The following EEA1 variants were observed in gnomAD, a reference collection of about 807,000 sequenced individuals.
The protein encoded by EEA1 is early endosome antigen 1, 162kD.
Under a neutral mutation model 209.2 loss-of-function variants are expected in EEA1, and 111 were observed. The ratio of observed to expected loss-of-function variants is 0.53; its 90% CI spans 0.45 to 0.62. The LOEUF (loss-of-function observed/expected upper bound fraction) is 0.62. EEA1 is among the 20% of genes least tolerant of loss of function. EEA1 has a pLI of 0.00. For missense variants in EEA1, 1,343 were observed against 1,530.8 expected, an observed-to-expected ratio of 0.88 and a Z score of 2.05; for synonymous variants, 536 against 540.6, an observed-to-expected ratio of 0.99 and a Z score of 0.12.
intron 11 of EEA1, among the ~76,000 whole-genome samples, chr12:92,829,088 T>G (rs1876475811): frequency 6.6e-6 from 1 of 152,178 alleles, no homozygotes; most frequent in South Asian, 2.1e-4. Flanking sequence ...TTATTAAAGG[T>G]AGGTACTGTC....
chr12:92,860,059 C>A (rs1878071508), intron 3 of EEA1, among the ~76,000 whole-genome samples: 1 of 152,188 alleles, frequency 6.6e-6, no homozygotes, highest in African/African-American at 2.4e-5. Context: ...ATCAAAATCT[C>A]TCCACTTTCA....
chr12:92,892,360 G>T (rs1444547900), intron 1 of EEA1, among the ~76,000 whole-genome samples: 4 of 152,082 alleles, frequency 2.6e-5, no homozygotes, highest in Non-Finnish European at 5.9e-5. Context: ...CCAAAGTGCT[G>T]GGGTTACAGG....
At chr12:92,828,880 A>T (rs1480462090) in intron 11 of EEA1, among the ~76,000 whole-genome samples, 1 of 151,718 alleles carries the variant, frequency 6.6e-6, no homozygotes, top group Non-Finnish European at 1.5e-5. Flanking sequence ...TCCAAGTACC[A>T]CCTCCTCTCT....
chr12:92,894,589 C>T (rs1012177780), intron 1 of EEA1, among the ~76,000 whole-genome samples: 11 of 152,188 alleles, frequency 7.2e-5, no homozygotes, highest in African/African-American at 1.4e-4. Context: ...CAGCCATTAA[C>T]GTTCCCTTAA....
At chr12:92,869,693 C>T (rs1292263376) in intron 2 of EEA1, among the ~76,000 whole-genome samples, 1 of 119,812 alleles carries the variant, frequency 8.3e-6, no homozygotes, top group Non-Finnish European at 1.6e-5. Flanking sequence ...GTGGAGGTTG[C>T]AGTGAGCCAA....
At chr12:92,845,821 C>G (rs533622121) in intron 9 of EEA1, among the ~76,000 whole-genome samples, 2 of 152,182 alleles carry the variant, frequency 1.3e-5, no homozygotes, top group African/African-American at 4.8e-5. Context: ...ATCCCCACAC[C>G]TAAAGTAGTC....
intron 9 of EEA1, 142 bp downstream of exon 9, chr12:92,850,969 C>A: frequency 1.3e-6 from 1 of 758,454 alleles, no homozygotes; most frequent in East Asian, 2.9e-5. Flanking sequence ...TGACTATAAA[C>A]AAATATTATT....
At chr12:92,828,150 C>A (rs1248338528) in intron 11 of EEA1, 89 bp from the exon 12 acceptor site, 3 of 1,047,376 alleles carry the variant, frequency 2.9e-6, no homozygotes, top group South Asian at 7.2e-5. Context: ...TACTTTTCAC[C>A]AAAATAAGTA....
chr12:92,832,875 T>C, intron 10 of EEA1, 25 bp from the exon 11 acceptor site: 1 of 1,521,604 alleles, frequency 6.6e-7, no homozygotes, highest in African/African-American at 1.4e-5. Flanking sequence ...TAACAATTTA[T>C]TTCCTTTTCT....
At chr12:92,858,823 A>C in intron 3 of EEA1, 2 of 763,898 alleles carry the variant, frequency 2.6e-6, no homozygotes, top group East Asian at 5.8e-5. Flanking sequence ...CCTATAGCCA[A>C]GTGGCAGACT....
chr12:92,823,268 C>T (rs191621014), intron 13 of EEA1, among the ~76,000 whole-genome samples: 122 of 152,316 alleles, frequency 8.0e-4, no homozygotes, highest in Admixed American at 1.8e-3. Flanking sequence ...ATCTTTCCAT[C>T]TTGAAATATA....
At chr12:92,886,858 T>G (rs1441539445) in intron 2 of EEA1, among the ~76,000 whole-genome samples, 1 of 150,580 alleles carries the variant, frequency 6.6e-6, no homozygotes, top group Non-Finnish European at 1.5e-5. Context: ...ATTAGCCGGG[T>G]GTGGTGGCAG....
At chr12:92,922,787 T>C (rs1221304464) in intron 1 of EEA1, among the ~76,000 whole-genome samples, 1 of 151,112 alleles carries the variant, frequency 6.6e-6, no homozygotes, top group Non-Finnish European at 1.5e-5. Flanking sequence ...ACCCCATCTC[T>C]ACTAAAAATA....
intron 1 of EEA1, among the ~76,000 whole-genome samples, chr12:92,926,458 G>C (rs1314390292): frequency 6.6e-6 from 1 of 152,176 alleles, no homozygotes; most frequent in Non-Finnish European, 1.5e-5. Flanking sequence ...AGTTATACTT[G>C]TTGGTAAATA....
chr12:92,782,237 AAGAT>A (rs905562081), intron 22 of EEA1, 102 bp from the exon 23 acceptor site: 2 of 917,072 alleles, frequency 2.2e-6, no homozygotes, highest in East Asian at 2.7e-5. Flanking sequence ...AAACTATAAA[AAGAT>A]AGCATATTAT....
chr12:92,879,265 CA>C (rs890841852), intron 2 of EEA1: 5 of 408,712 alleles, frequency 1.2e-5, no homozygotes, highest in Admixed American at 2.9e-5. Context: ...CATCCTAATC[CA>C]AAAAAATCCA....
Position 92,857,331 on chromosome 12 carries a change from AT to A in EEA1, c.309del (p.Lys103AsnfsTer7). 6.3e-7 allele frequency: 1 copy of A among 1,590,618 alleles called. No homozygotes were observed. The highest frequency in any genetic ancestry group is 8.5e-7 in the Non-Finnish European group (1 of 1,171,888). On this transcript the variant is annotated frameshift_variant, in exon 5 of 29. Transcript: ENST00000322349. LOFTEE classifies it high-confidence loss of function. The part of the protein sequence containing the change: ...QDLQASLKEE[K>X]WYSEELKKEL... ...TCCTTCTTTAATTCTTCCGAGTACCATTTTTCTTCCTAATAAAAAAGATTTT... is the reference window on the plus strand; with the variant it reads ...TCCTTCTTTAATTCTTCCGAGTACCATTTTCTTCCTAATAAAAAAGATTTT...
At chr12:92,863,429 C>G (rs923506318) in intron 3 of EEA1, among the ~76,000 whole-genome samples, 2 of 152,146 alleles carry the variant, frequency 1.3e-5, no homozygotes, top group African/African-American at 4.8e-5. Context: ...TGAGGAAGTC[C>G]AAGCAGCCAC....
chr12:92,829,166 GCA>G (rs1372444709), intron 11 of EEA1, among the ~76,000 whole-genome samples: 1 of 152,124 alleles, frequency 6.6e-6, no homozygotes, highest in African/African-American at 2.4e-5. Flanking sequence ...ACGCAGCCAG[GCA>G]CAGTGGCTCA....
Sources: allele counts gnomAD v4.1 joint callset (sites outside exome capture counted in the v4.1 genomes callset), GRCh38; gene constraint gnomAD v4.1.1; transcripts MANE v1.5; gene names NCBI Gene and HGNC (gene_info 2026-07-23, HGNC 2026-07-21).